Variants in PHF14 observed in about 807,000 individuals in gnomAD.
PHF14 encodes the protein PHD finger protein 14.
PHF14 carries 55 observed loss-of-function variants against 117.9 expected under a neutral mutation model. The observed-to-expected ratio is 0.47, with a 90% CI of 0.38 to 0.58. The LOEUF (loss-of-function observed/expected upper bound fraction) is 0.58, where lower values mean the gene tolerates loss of function less well. Among genes scored for constraint, PHF14 ranks in the 20% least tolerant of loss-of-function variants. The probability of loss-of-function intolerance (pLI) is 0.00; values close to 1 mark genes in which losing one functional copy is unlikely to be tolerated. For synonymous variants in PHF14, 409 were observed against 368.6 expected (o/e 1.11, Z -1.26); for missense variants, 978 against 1,122.2 (o/e 0.87, Z 1.84).
chr7:11,155,047 T>G (rs1788803099), intron 17 of PHF14, among the ~76,000 whole-genome samples: 1 of 152,162 alleles, frequency 6.6e-6, no homozygotes, highest in Non-Finnish European at 1.5e-5. Context: ...CAGTATGTCA[T>G]TAATGATTAA....
intron 16 of PHF14, chr7:11,110,976 A>G (rs1406722770): frequency 6.4e-6 from 1 of 155,712 alleles, no homozygotes; most frequent in Non-Finnish European, 1.4e-5. Context: ...GTATCTTATT[A>G]AATACTTTAA....
At chr7:11,037,758 C>T (rs1034232343) in intron 10 of PHF14, among the ~76,000 whole-genome samples, 4 of 151,982 alleles carry the variant, frequency 2.6e-5, no homozygotes, top group Non-Finnish European at 5.9e-5. Context: ...CATTTTAAGT[C>T]ATAAAAAAAT....
intron 4 of PHF14, chr7:11,006,557 G>T (rs1434177034): frequency 1.2e-5 from 7 of 591,778 alleles, no homozygotes; most frequent in African/African-American, 3.7e-5. Context: ...TCTGGTGCTT[G>T]TTGGCTTTAA....
intron 17 of PHF14, among the ~76,000 whole-genome samples, chr7:11,164,138 G>C (rs1280510945): frequency 6.6e-6 from 1 of 152,150 alleles, no homozygotes; most frequent in Non-Finnish European, 1.5e-5. Flanking sequence ...GTGCCTGTCT[G>C]CACCGTCTCC....
At chr7:11,140,773 A>C (rs1788377006) in intron 17 of PHF14, among the ~76,000 whole-genome samples, 2 of 152,268 alleles carry the variant, frequency 1.3e-5, no homozygotes, top group South Asian at 4.1e-4. Flanking sequence ...AAAGAGCTTT[A>C]TGTCAGTAGA....
chr7:11,155,390 A>G (rs1788811674), intron 17 of PHF14, among the ~76,000 whole-genome samples: 1 of 152,194 alleles, frequency 6.6e-6, no homozygotes, highest in South Asian at 2.1e-4. Flanking sequence ...AACCATGAGC[A>G]CTGTGTAATG....
At chr7:11,015,820 G>GAT (rs1783515533) in intron 5 of PHF14, among the ~76,000 whole-genome samples, 2 of 147,614 alleles carry the variant, frequency 1.4e-5, no homozygotes, top group African/African-American at 5.1e-5. Flanking sequence ...CTCATGCATA[G>GAT]ATTTTTTTTT....
chr7:10,982,322 G>A (rs981419343), intron 2 of PHF14, 50 bp from the exon 3 acceptor site: 3 of 1,184,036 alleles, frequency 2.5e-6, no homozygotes, highest in Non-Finnish European at 3.5e-6. Context: ...GTGTGTGTGT[G>A]TGTATGTATA....
At chr7:11,079,808 AT>A (rs965694109) in intron 16 of PHF14, among the ~76,000 whole-genome samples, 3 of 151,532 alleles carry the variant, frequency 2.0e-5, no homozygotes, top group African/African-American at 4.8e-5. Flanking sequence ...TTTACAGTTA[AT>A]TTTTTTTTCT....
chr7:11,060,416 G>C (rs1389614369), intron 14 of PHF14, among the ~76,000 whole-genome samples: 1 of 152,214 alleles, frequency 6.6e-6, no homozygotes, highest in East Asian at 1.9e-4. Context: ...AGAAGGAAAA[G>C]AGATGAATGT....
intron 16 of PHF14, chr7:11,106,531 A>G (rs1396707371): frequency 4.1e-6 from 4 of 975,444 alleles, no homozygotes; most frequent in Non-Finnish European, 4.9e-6. Context: ...GGTAGAATGC[A>G]GAATTTTGTG....
chr7:11,058,009 CAT>C (rs758021142), intron 14 of PHF14, among the ~76,000 whole-genome samples: 2 of 152,188 alleles, frequency 1.3e-5, no homozygotes, highest in Admixed American at 6.5e-5. Context: ...CTTGATTAAT[CAT>C]GTGGAATTTC....
intron 1 of PHF14, 53 bp from the exon 2 acceptor site, chr7:10,974,782 C>T (rs1362732413): frequency 1.9e-5 from 17 of 900,490 alleles, no homozygotes; most frequent in African/African-American, 6.8e-5. Flanking sequence ...CCACAACTCT[C>T]CCCTGTGTTT....
chr7:11,010,792 C>T (rs78064851), intron 4 of PHF14, among the ~76,000 whole-genome samples: 16,229 of 151,912 alleles, frequency 0.11, 1,055 homozygotes, highest in African/African-American at 0.19. Context: ...CTGAGACTAC[C>T]GTGTGTGCCA....
chr7:11,167,766 C>T (rs1297324593), intron 17 of PHF14, among the ~76,000 whole-genome samples: 1 of 152,140 alleles, frequency 6.6e-6, no homozygotes, highest in Admixed American at 6.5e-5. Context: ...CAGTGGCTCA[C>T]GCCTGTAATC....
chr7:11,012,217 T>C (rs528839324), intron 4 of PHF14, among the ~76,000 whole-genome samples: 1 of 152,328 alleles, frequency 6.6e-6, no homozygotes, highest in Non-Finnish European at 1.5e-5. Flanking sequence ...AATAATCTAC[T>C]CTTTTAAACT....
chr7:10,985,843 G>C (rs1782206016), intron 3 of PHF14, among the ~76,000 whole-genome samples: 1 of 151,618 alleles, frequency 6.6e-6, no homozygotes, highest in Admixed American at 6.6e-5. Flanking sequence ...AGTAGAGGTG[G>C]GGTTTCACCA....
intron 16 of PHF14, among the ~76,000 whole-genome samples, chr7:11,096,973 CTTTTTTTTT>C (rs899756252): frequency 9.2e-6 from 1 of 108,586 alleles, no homozygotes; most frequent in South Asian, 2.9e-4. Context: ...TAGACTAGAA[CTTTTTTTTT>C]TTTTTTTTTT....
chr7:11,124,850 A>G (rs1394404653), intron 17 of PHF14, among the ~76,000 whole-genome samples: 2 of 152,178 alleles, frequency 1.3e-5, no homozygotes, highest in Non-Finnish European at 2.9e-5. Flanking sequence ...TTTTTCTATT[A>G]TAAATAAACA....
Sources: gnomAD v4.1 joint callset for allele counts (sites outside exome capture counted in the v4.1 genomes callset) on GRCh38, gnomAD v4.1.1 for gene constraint, MANE v1.5 for transcripts, NCBI Gene and HGNC (gene_info 2026-07-23, HGNC 2026-07-21) for gene names.